Variants in EIF4E2 observed in about 807,000 individuals in gnomAD.
The protein encoded by EIF4E2 is eukaryotic translation initiation factor 4E type 2.
EIF4E2 carries 13 observed loss-of-function variants against 34.2 expected under a neutral mutation model. That is an observed-to-expected ratio of 0.38 (90% CI 0.25 to 0.60). The LOEUF (loss-of-function observed/expected upper bound fraction) is 0.60. Among genes scored for constraint, EIF4E2 ranks in the 20% least tolerant of loss-of-function variants. The pLI is 0.62. For missense variants in EIF4E2, 222 were observed against 315.1 expected (o/e 0.70, Z 2.24); for synonymous variants, 100 against 106.6 (o/e 0.94, Z 0.38).
At chr2:232,580,836 A>T in intron 6 of EIF4E2, 1 of 1,379,162 alleles carries the variant, frequency 7.3e-7, no homozygotes, top group South Asian at 1.3e-5. Context: ...ATCCCCCTGT[A>T]TATGTGTGCT....
chr2:232,563,669 C>T (rs1692806729), intron 3 of EIF4E2, among the ~76,000 whole-genome samples: 1 of 152,104 alleles, frequency 6.6e-6, no homozygotes, highest in Non-Finnish European at 1.5e-5. Flanking sequence ...TTGATTCTAT[C>T]ACTTACGCTT....
intron 6 of EIF4E2, among the ~76,000 whole-genome samples, chr2:232,577,641 G>A (rs779560917): frequency 2.6e-5 from 4 of 152,320 alleles, no homozygotes; most frequent in South Asian, 2.1e-4. Context: ...CAAGATACCT[G>A]GGAATGTGAA....
intron 1 of EIF4E2, 35 bp downstream of exon 1, chr2:232,550,779 C>T: frequency 6.5e-7 from 1 of 1,546,072 alleles, no homozygotes; most frequent in Non-Finnish European, 8.7e-7. Flanking sequence ...GGGCCCCTTC[C>T]CCGAACAGTT....
At chr2:232,567,565 A>C in intron 6 of EIF4E2, 2 of 1,212,422 alleles carry the variant, frequency 1.6e-6, no homozygotes, top group Non-Finnish European at 1.0e-6. Flanking sequence ...AGATAATTTC[A>C]CCCTGCCCAC....
chr2:232,566,993 A>G lies in EIF4E2; in HGVS notation c.528+12A>G, dbSNP rs750642525. ...CTGTCCGCTTTCAGGTAAGCCACCC[A>G]TGAGCCAGGCTGGTTTCTTGTGTTG... On this transcript the variant is annotated intron_variant, in intron 5 of 6. Coordinates refer to ENST00000258416, the MANE Select transcript of EIF4E2 (RefSeq NM_004846.4). The surrounding 1 kb of genome is among the most constrained non-coding windows in gnomAD (Gnocchi z 4.9). The G allele has an allele frequency of 1.5e-5, 24 of 1,590,060 alleles. No individual in the cohort carries two copies. The highest frequency in any genetic ancestry group is 2.3e-5 in the South Asian group (2 of 86,550).
rs868227574 is a variant in EIF4E2 at position 232,580,981 on chromosome 2, T to G, written c.*38T>G. ...TGGCAATAATCCTTTTCTGTATGTG[T>G]GTGTTTGTCCGAAATGGATGGGAGG... On this transcript the variant is annotated 3_prime_UTR_variant, in exon 7 of 7. Transcript: ENST00000409098. The G allele has an allele frequency of 2.4e-5, 37 of 1,545,566 alleles. No individual in the cohort carries two copies. The Middle Eastern group carries it at 2.2e-3, about 91-fold the overall frequency.
intron 6 of EIF4E2, chr2:232,574,436 A>G (rs1170101416): frequency 7.8e-7 from 1 of 1,285,230 alleles, no homozygotes; most frequent in Non-Finnish European, 1.1e-6. Context: ...CTCTACCAAC[A>G]TTGAGCCTCA....
chr2:232,575,987 C>CCT (rs1422031658), intron 6 of EIF4E2, among the ~76,000 whole-genome samples: 23 of 152,156 alleles, frequency 1.5e-4, no homozygotes, highest in Non-Finnish European at 3.1e-4. Flanking sequence ...GGGCAGATCA[C>CCT]GAGGTCAAGA....
In EIF4E2 at chr2:232,581,186, C is replaced by T. The variant is rs1233081329; in HGVS notation, c.*243C>T. The T allele has an allele frequency of 7.9e-6, 5 of 631,400 alleles. No individual in the cohort carries two copies. In the East Asian group the frequency reaches 1.3e-4, roughly 16 times the overall value. 39.1% of individuals were successfully genotyped at this position (631,400 alleles called of 1,614,324 possible). ...ACAAACATTGTTTTTTAATGGGGTT[C>T]CATGGGGGGGCGTTCAGCCTTTCTG... On this transcript the variant is annotated 3_prime_UTR_variant, in exon 7 of 7. Coordinates refer to the EIF4E2 transcript ENST00000409098. This position sits in a 1 kb window ranked among gnomAD's most constrained non-coding sequence, Gnocchi z 5.2.
At chr2:232,556,675 C>G (rs186762335) in intron 2 of EIF4E2, 145 bp downstream of exon 2, 123 of 636,786 alleles carry the variant, frequency 1.9e-4, no homozygotes, top group Admixed American at 1.6e-3. Context: ...AAACATTGTG[C>G]AATCATTGAT....
intron 6 of EIF4E2, chr2:232,567,465 CTTAA>C: frequency 1.5e-6 from 2 of 1,294,126 alleles, no homozygotes; most frequent in Non-Finnish European, 2.0e-6. Flanking sequence ...CCTGGGCTTG[CTTAA>C]TTTCTACAGG....
intron 1 of EIF4E2, among the ~76,000 whole-genome samples, chr2:232,555,106 G>T (rs1333552622): frequency 1.3e-5 from 2 of 152,154 alleles, no homozygotes; most frequent in African/African-American, 2.4e-5. Flanking sequence ...ATATTTATTG[G>T]ATACTTTTAA....
downstream of EIF4E2, among the ~76,000 whole-genome samples, chr2:232,569,455 T>C (rs1187522676): frequency 6.6e-6 from 1 of 152,100 alleles, no homozygotes; most frequent in Non-Finnish European, 1.5e-5. Flanking sequence ...TAAATTTGAG[T>C]TCCCATCTAG....
At position 232,556,518 on chromosome 2, in the gene EIF4E2, T is replaced by C. The variant is rs771687914; in HGVS notation, c.123T>C (p.Ser41=). 6.2e-7 allele frequency: 1 copy of C among 1,611,610 alleles called. No individual in the cohort carries two copies. The highest frequency in any genetic ancestry group is 1.7e-5 in the Admixed American group (1 of 59,684). Residue 41 remains serine, a synonymous_variant, in exon 2 of 7, where the codon AGT becomes AGC. Coordinates refer to ENST00000258416, the MANE Select transcript of EIF4E2 (RefSeq NM_004846.4). Reference sequence around the variant, plus strand: ...CGGAACGAGACAAGAATCAGAGCAGTAGCAAGAGAAAGGTGAGTGTTGGCT... The same window carrying C: ...CGGAACGAGACAAGAATCAGAGCAGCAGCAAGAGAAAGGTGAGTGTTGGCT... ...EKTERDKNQS[S]SKRKAVVPGP... is the part of the protein sequence containing the mutation.
chr2:232,576,864 A>G (rs1210459794), intron 6 of EIF4E2, among the ~76,000 whole-genome samples: 1 of 152,244 alleles, frequency 6.6e-6, no homozygotes, highest in East Asian at 1.9e-4. Flanking sequence ...ATTGTGATCT[A>G]TGAAGAAATT....
intron 2 of EIF4E2, 104 bp from the exon 3 acceptor site, chr2:232,557,779 CT>C: frequency 1.5e-6 from 2 of 1,328,410 alleles, no homozygotes; most frequent in Non-Finnish European, 2.1e-6. Context: ...GTTGTATATC[CT>C]TTTTTAATTG....
At chr2:232,569,623 C>A (rs994546390), downstream of EIF4E2, 1 of 152,444 alleles carries the variant, frequency 6.6e-6, no homozygotes, top group African/African-American at 2.4e-5. Flanking sequence ...CTGCTTCTGT[C>A]TGTGTGGCTG....
chr2:232,575,161 G>A (rs983415045), intron 6 of EIF4E2, among the ~76,000 whole-genome samples: 5 of 106,552 alleles, frequency 4.7e-5, no homozygotes, highest in Admixed American at 4.1e-4. Flanking sequence ...AACAGAACAT[G>A]TCAACTGTAG....
chr2:232,564,188 A>T, intron 3 of EIF4E2, 59 bp from the exon 4 acceptor site: 2 of 1,115,962 alleles, frequency 1.8e-6, no homozygotes, highest in Non-Finnish European at 1.3e-6. Flanking sequence ...CAACCTTGGG[A>T]TGCATTCAAA....
Sources: allele counts gnomAD v4.1 joint callset (sites outside exome capture counted in the v4.1 genomes callset), GRCh38; gene constraint gnomAD v4.1.1; non-coding constraint Gnocchi (gnomAD v3.1); transcripts MANE v1.5; gene names NCBI Gene and HGNC (gene_info 2026-07-23, HGNC 2026-07-21).